Variants in PPP1R14C observed in about 807,000 individuals in gnomAD.
PPP1R14C encodes protein phosphatase 1 regulatory subunit 14C.
A neutral mutation model predicts 20.4 loss-of-function variants in PPP1R14C; 16 were observed. The observed-to-expected ratio is 0.78, with a 90% CI of 0.53 to 1.19. The LOEUF (loss-of-function observed/expected upper bound fraction) is 1.19. Ranked by LOEUF, PPP1R14C falls within the 50% of genes most tolerant of loss-of-function variation. The pLI is 0.00. For missense variants in PPP1R14C, 211 were observed against 220.1 expected, an observed-to-expected ratio of 0.96 and a Z score of 0.26; for synonymous variants, 91 against 91.0, an observed-to-expected ratio of 1.00 and a Z score of 0.00.
chr6:150,195,956 A>C, intron 1 of PPP1R14C: 1 of 985,400 alleles, frequency 1.0e-6, no homozygotes, highest in South Asian at 4.7e-5. Flanking sequence ...GTGTCCAAGG[A>C]CTGAAGACCT....
At chr6:150,217,839 T>A (rs1254767880) in intron 3 of PPP1R14C, among the ~76,000 whole-genome samples, 1 of 152,168 alleles carries the variant, frequency 6.6e-6, no homozygotes, top group Non-Finnish European at 1.5e-5. Context: ...TTTGAAGAGG[T>A]CTAATTAAAA....
At chr6:150,214,904 C>A in intron 2 of PPP1R14C, 77 bp downstream of exon 2, 2 of 1,012,260 alleles carry the variant, frequency 2.0e-6, no homozygotes, top group Non-Finnish European at 3.0e-6. Flanking sequence ...TGCTTGGCAT[C>A]AACTGATTCC....
At position 150,153,419 on chromosome 6, in the gene PPP1R14C, A is replaced by T. The variant is rs543476325; in HGVS notation, c.306+9921A>T. ...GATGTATGGGGTAATGAAAGTCTTC[A>T]AAGAAAGGGATCACGAGTTACTGCC... On this transcript the variant is annotated intron_variant, in intron 1 of 3. Transcript: ENST00000361131. Among the ~76,000 whole-genome samples, 5 of 152,374 alleles carry T rather than the reference A, an allele frequency of 3.3e-5. No homozygotes were observed. The East Asian group carries it at 9.6e-4, about 29-fold the overall frequency.
At chr6:150,236,263 A>G (rs1341667641) in intron 3 of PPP1R14C, among the ~76,000 whole-genome samples, 1 of 152,194 alleles carries the variant, frequency 6.6e-6, no homozygotes, top group African/African-American at 2.4e-5. Flanking sequence ...TGTCACATGA[A>G]AGGTGCCCAG....
At chr6:150,189,283 C>A (rs1428292738) in intron 1 of PPP1R14C, among the ~76,000 whole-genome samples, 1 of 152,178 alleles carries the variant, frequency 6.6e-6, no homozygotes, top group Non-Finnish European at 1.5e-5. Flanking sequence ...CTCGAAAGCA[C>A]CAGGTGAAGG....
At chr6:150,213,781 C>T (rs1033073373) in intron 1 of PPP1R14C, among the ~76,000 whole-genome samples, 2 of 152,318 alleles carry the variant, frequency 1.3e-5, no homozygotes, top group East Asian at 1.9e-4. Context: ...TTCACCAAAT[C>T]CATCTGGCCC....
At chr6:150,246,852 G>C (rs1778498346) in intron 3 of PPP1R14C, among the ~76,000 whole-genome samples, 1 of 152,030 alleles carries the variant, frequency 6.6e-6, no homozygotes, top group Non-Finnish European at 1.5e-5. Context: ...TGTTTAATGT[G>C]GGAAAAAGCA....
rs9322246 is a variant in PPP1R14C, at chr6:150,160,053, T to C, written c.306+16555T>C. Among the ~76,000 whole-genome samples, 467 of 152,198 alleles carry C rather than the reference T, an allele frequency of 3.1e-3. 2 individuals are homozygous for C. Among genetic ancestry groups the C allele is most frequent in the African/African-American group, 0.011 (442 of 41,528 alleles). The stretch of plus-strand genomic sequence containing the variant: ...CTCATGATTAGACTGCGTTTATGGG[T>C]TTGAGGGAGGAAGACCCAAAAGGTG... On this transcript the variant is annotated intron_variant, in intron 1 of 3. Transcript: ENST00000361131.
chr6:150,203,289 C>T (rs1051231936), intron 1 of PPP1R14C, among the ~76,000 whole-genome samples: 10 of 152,212 alleles, frequency 6.6e-5, no homozygotes, highest in East Asian at 5.8e-4. Context: ...TTTTCCAGAA[C>T]GTCCTGTAGT....
rs547198807 is a variant in PPP1R14C, at chr6:150,144,629, G to A, written c.306+1131G>A. On this transcript the variant is annotated intron_variant, in intron 1 of 3. Coordinates refer to ENST00000361131, the MANE Select transcript of PPP1R14C (RefSeq NM_030949.3). ...TCACAGGCTTTACCACTAATGTCGG[G>A]TGTTCTGTATTTGACACATTTCATG... is the stretch of plus-strand genomic sequence containing the variant. Among the ~76,000 whole-genome samples the A allele has an allele frequency of 3.3e-5, 5 of 152,318 alleles. No homozygotes were observed. The East Asian group carries it at 9.6e-4, about 29-fold the overall frequency.
At chr6:150,158,399 C>T (rs1003765427) in intron 1 of PPP1R14C, among the ~76,000 whole-genome samples, 1 of 152,046 alleles carries the variant, frequency 6.6e-6, no homozygotes, top group African/African-American at 2.4e-5. Flanking sequence ...ATAATTTAAT[C>T]AACACTCCAG....
intron 1 of PPP1R14C, among the ~76,000 whole-genome samples, chr6:150,197,760 T>G (rs9371812): frequency 5.4e-3 from 747 of 139,450 alleles, no homozygotes; most frequent in African/African-American, 0.016. Flanking sequence ...CGGCTTTGTG[T>G]GCCCCTGGCC....
Position 150,185,615 on chromosome 6 carries a change from C to T in PPP1R14C, c.307-29129C>T, listed in dbSNP as rs1297345321. Among the ~76,000 whole-genome samples the T allele has an allele frequency of 1.3e-5, 2 of 152,094 alleles. No homozygotes were observed. Among genetic ancestry groups the T allele is most frequent in the African/African-American group, 2.4e-5 (1 of 41,406 alleles). Reference sequence around the variant, plus strand: ...AGGCTACCTCTGCATAATAGCTCTGCGGCCTCCCTGTCTGTATTAGGAAGC... The same window carrying T: ...AGGCTACCTCTGCATAATAGCTCTGTGGCCTCCCTGTCTGTATTAGGAAGC... On this transcript the variant is annotated intron_variant, in intron 1 of 3. Coordinates refer to ENST00000361131, the MANE Select transcript of PPP1R14C (RefSeq NM_030949.3). This position sits in a 1 kb window ranked among gnomAD's most constrained non-coding sequence, Gnocchi z 4.1.
rs868494954 is a variant in PPP1R14C at position 150,249,157 on chromosome 6, A to G, written c.*337A>G. On this transcript the variant is annotated 3_prime_UTR_variant, in exon 4 of 4. Transcript: ENST00000361131. ...GGACTCAGATGTTCAGTACCTTATG[A>G]TACAGGGAAGATAGTTTTCTTACAA... is the stretch of plus-strand genomic sequence containing the variant. 10 of 401,044 alleles carry G rather than the reference A, an allele frequency of 2.5e-5. No homozygotes were observed. The Middle Eastern group carries it at 2.5e-3, about 101-fold the overall frequency. The allele number at this position is 401,044 out of a possible 1,614,324, so 24.8% of individuals were successfully genotyped here.
chr6:150,169,704 A>C (rs181138339), intron 1 of PPP1R14C, among the ~76,000 whole-genome samples: 34 of 152,372 alleles, frequency 2.2e-4, no homozygotes, highest in Admixed American at 1.8e-3. Flanking sequence ...CTGAAAGTAG[A>C]ATGAACCAAG....
At chr6:150,205,944 C>A (rs960576278) in intron 1 of PPP1R14C, among the ~76,000 whole-genome samples, 2 of 152,112 alleles carry the variant, frequency 1.3e-5, no homozygotes, top group African/African-American at 2.4e-5. Flanking sequence ...ACAGGTAAAC[C>A]ATAACCCATC....
intron 1 of PPP1R14C, among the ~76,000 whole-genome samples, chr6:150,144,146 T>C (rs1045778355): frequency 1.3e-5 from 2 of 152,216 alleles, no homozygotes; most frequent in African/African-American, 4.8e-5. Context: ...TTTTCCTCTC[T>C]AAGCTCAGTT....
chr6:150,226,261 T>G (rs1451579449), intron 3 of PPP1R14C, among the ~76,000 whole-genome samples: 2 of 152,228 alleles, frequency 1.3e-5, no homozygotes, highest in African/African-American at 4.8e-5. Context: ...TTTCCTTAAG[T>G]AAATGCCATT....
intron 3 of PPP1R14C, among the ~76,000 whole-genome samples, chr6:150,218,968 C>T (rs1778133360): frequency 6.7e-6 from 1 of 150,086 alleles, no homozygotes; most frequent in Non-Finnish European, 1.5e-5. Flanking sequence ...TTCTTTTATT[C>T]TTAAATATGC....
Sources: gnomAD v4.1 joint callset for allele counts (sites outside exome capture counted in the v4.1 genomes callset) on GRCh38, gnomAD v4.1.1 for gene constraint, Gnocchi (gnomAD v3.1) non-coding constraint, MANE v1.5 for transcripts, NCBI Gene and HGNC (gene_info 2026-07-23, HGNC 2026-07-21) for gene names.